The following SYT1 variants were observed in gnomAD, a reference collection of about 807,000 sequenced individuals.
SYT1 encodes the protein synaptotagmin-1.
A neutral mutation model predicts 44.8 loss-of-function variants in SYT1; 8 were observed. That is an observed-to-expected ratio of 0.18 (90% CI 0.10 to 0.32). SYT1 has a LOEUF of 0.32. Among genes scored for constraint, SYT1 ranks in the 10% least tolerant of loss-of-function variants. The pLI is 1.00. For missense variants in SYT1, 286 were observed against 509.3 expected (o/e 0.56, Z 4.22); for synonymous variants, 154 against 188.8 (o/e 0.82, Z 1.51).
At chr12:79,101,451 T>G (rs1305469541) in intron 3 of SYT1, among the ~76,000 whole-genome samples, 2 of 151,986 alleles carry the variant, frequency 1.3e-5, no homozygotes, top group Non-Finnish European at 2.9e-5. Context: ...GAAAGTAGAG[T>G]GCTGAAGGAA....
rs1195189751 is a variant in SYT1, at chr12:79,349,023, GAAAGAAAGAAAA to G, written c.811-4477_811-4466del. 6.9e-5 allele frequency among the ~76,000 whole-genome samples: 6 copies of G among 86,482 alleles called. No homozygotes were observed. In the East Asian group the frequency reaches 1.4e-3, roughly 19 times the overall value. 56.7% of individuals were successfully genotyped at this position (86,482 alleles called of 152,430 possible). On this transcript the variant is annotated intron_variant, in intron 8 of 10. Transcript: ENST00000261205. ...GGAAAGAAAGAAAGAAAGAAAGAAAGAAAGAAAGAAAAAGAAAGAAAGAAAGAAAGAAAGGAG... is the reference window on the plus strand; with the variant it reads ...GGAAAGAAAGAAAGAAAGAAAGAAAGAGAAAGAAAGAAAGAAAGAAAGGAG...
At chr12:79,440,219 A>T (rs1223724097) in intron 9 of SYT1, among the ~76,000 whole-genome samples, 2 of 152,196 alleles carry the variant, frequency 1.3e-5, no homozygotes, top group African/African-American at 2.4e-5. Flanking sequence ...CTCCATCTCA[A>T]AAAAAGAGAG....
At chr12:79,417,313 A>G (rs1180164479) in intron 9 of SYT1, among the ~76,000 whole-genome samples, 1 of 152,108 alleles carries the variant, frequency 6.6e-6, no homozygotes, top group Admixed American at 6.6e-5. Flanking sequence ...ATGTATTTCT[A>G]AAAGGATTTT....
intron 9 of SYT1, among the ~76,000 whole-genome samples, chr12:79,385,414 A>G (rs1884397760): frequency 6.6e-6 from 1 of 151,940 alleles, no homozygotes; most frequent in Non-Finnish European, 1.5e-5. Flanking sequence ...TGCATAATTT[A>G]TTTTCTATGT....
At chr12:78,996,634 C>G (rs772492618) in intron 2 of SYT1, among the ~76,000 whole-genome samples, 3 of 152,176 alleles carry the variant, frequency 2.0e-5, no homozygotes, top group Non-Finnish European at 2.9e-5. Flanking sequence ...TCACATCAAA[C>G]AGCATATGCA....
At chr12:78,928,688 G>A (rs150806204) in intron 1 of SYT1, among the ~76,000 whole-genome samples, 22 of 152,216 alleles carry the variant, frequency 1.4e-4, no homozygotes, top group African/African-American at 4.8e-4. Flanking sequence ...AGCAAATAGC[G>A]TGGACAGCTT....
intron 4 of SYT1, among the ~76,000 whole-genome samples, chr12:79,270,301 A>T (rs1878351900): frequency 6.6e-6 from 1 of 152,224 alleles, no homozygotes; most frequent in Non-Finnish European, 1.5e-5. Flanking sequence ...TATAAGAATG[A>T]AGAAACATGT....
chr12:79,104,043 G>A (rs559861492), intron 3 of SYT1, among the ~76,000 whole-genome samples: 26 of 152,034 alleles, frequency 1.7e-4, no homozygotes, highest in Admixed American at 2.6e-4. Context: ...TTGTTTTACA[G>A]TATTATTATA....
At chr12:79,007,047 C>T (rs931206765) in intron 2 of SYT1, among the ~76,000 whole-genome samples, 7 of 151,986 alleles carry the variant, frequency 4.6e-5, no homozygotes, top group Non-Finnish European at 8.8e-5. Flanking sequence ...TAAGTGTTTT[C>T]AATGTGAAAC....
At chr12:79,117,817 T>C (rs905919621) in intron 3 of SYT1, among the ~76,000 whole-genome samples, 2 of 150,394 alleles carry the variant, frequency 1.3e-5, no homozygotes, top group Non-Finnish European at 3.0e-5. Context: ...CCAGATATCA[T>C]AAATGCAGTG....
intron 3 of SYT1, among the ~76,000 whole-genome samples, chr12:79,063,904 G>T (rs1206256577): frequency 6.6e-6 from 1 of 152,054 alleles, no homozygotes; most frequent in African/African-American, 2.4e-5. Context: ...CACTTTTCCT[G>T]ACCTAACTCC....
intron 3 of SYT1, among the ~76,000 whole-genome samples, chr12:79,196,231 G>A (rs1272850826): frequency 2.0e-5 from 3 of 151,914 alleles, no homozygotes; most frequent in South Asian, 2.1e-4. Context: ...GCAGTGTCAC[G>A]ATCTCGGCTC....
intron 3 of SYT1, among the ~76,000 whole-genome samples, chr12:79,054,107 T>C (rs1874749114): frequency 1.3e-5 from 2 of 151,988 alleles, no homozygotes; most frequent in African/African-American, 4.8e-5. Context: ...ATGATGAAAA[T>C]GTGGATTGAA....
chr12:79,166,593 A>T (rs1258292337), intron 3 of SYT1, among the ~76,000 whole-genome samples: 1 of 152,032 alleles, frequency 6.6e-6, no homozygotes, highest in African/African-American at 2.4e-5. Flanking sequence ...ATGCCCAAGT[A>T]ATGGTTCAAT....
chr12:79,221,275 T>C (rs6539304), intron 4 of SYT1, among the ~76,000 whole-genome samples: 1 of 151,858 alleles, frequency 6.6e-6, no homozygotes, highest in Admixed American at 6.6e-5. Context: ...ATTTGCATTA[T>C]ATATCTTTTT....
intron 1 of SYT1, among the ~76,000 whole-genome samples, chr12:78,962,332 CTTTT>C (rs35875550): frequency 1.5e-3 from 197 of 130,134 alleles, no homozygotes; most frequent in African/African-American, 4.3e-3. Context: ...AGCATTCTTT[CTTTT>C]TTTTTTTTTT....
intron 7 of SYT1, 52 bp downstream of exon 7, chr12:79,296,288 A>G: frequency 6.4e-7 from 1 of 1,555,058 alleles, no homozygotes; most frequent in Non-Finnish European, 8.7e-7. Context: ...TACTTAAAAG[A>G]CTGATCTCAT....
intron 3 of SYT1, among the ~76,000 whole-genome samples, chr12:79,180,219 T>G (rs1209592203): frequency 6.6e-6 from 1 of 152,050 alleles, no homozygotes; most frequent in Non-Finnish European, 1.5e-5. Flanking sequence ...TTTGAAAATA[T>G]GAACAATATT....
chr12:79,204,049 A>G (rs1873951975), intron 3 of SYT1, among the ~76,000 whole-genome samples: 2 of 152,182 alleles, frequency 1.3e-5, no homozygotes. Context: ...GCCTGTTTCA[A>G]TTTAAATCCT....
Sources: allele counts gnomAD v4.1 joint callset (sites outside exome capture counted in the v4.1 genomes callset), GRCh38; gene constraint gnomAD v4.1.1; transcripts MANE v1.5; gene names NCBI Gene and HGNC (gene_info 2026-07-23, HGNC 2026-07-21).